The following MACROD2 variants were observed in gnomAD, a reference collection of about 807,000 sequenced individuals.
The protein encoded by MACROD2 is ADP-ribose glycohydrolase MACROD2.
MACROD2 carries 36 observed loss-of-function variants against 70.4 expected under a neutral mutation model. That is an observed-to-expected ratio of 0.51 (90% confidence interval 0.39 to 0.68). The LOEUF (loss-of-function observed/expected upper bound fraction) is 0.68. MACROD2 is among the 30% of genes least tolerant of loss of function. The pLI is 0.00. For missense variants in MACROD2, 496 were observed against 538.4 expected, an observed-to-expected ratio of 0.92 and a Z score of 0.78; for synonymous variants, 172 against 178.8, an observed-to-expected ratio of 0.96 and a Z score of 0.30.
chr20:15,998,392 G>A (rs564848179), intron 15 of MACROD2, among the ~76,000 whole-genome samples: 9 of 151,954 alleles, frequency 5.9e-5, no homozygotes, highest in South Asian at 4.2e-4. Flanking sequence ...CTGTTTCTTC[G>A]TGATTCAGCC....
At chr20:15,773,131 T>C (rs964141298) in intron 8 of MACROD2, among the ~76,000 whole-genome samples, 5 of 152,168 alleles carry the variant, frequency 3.3e-5, no homozygotes, top group Admixed American at 2.6e-4. Flanking sequence ...TTTTTTGTAC[T>C]TTGTTTCATC....
intron 6 of MACROD2, among the ~76,000 whole-genome samples, chr20:15,368,229 C>CAGTAAGA (rs2045439868): frequency 6.6e-6 from 1 of 152,082 alleles, no homozygotes; most frequent in African/African-American, 2.4e-5. Context: ...AGGCCCACCC[C>CAGTAAGA]CGCCTACTGA....
chr20:14,463,814 C>T (rs2084403364), intron 3 of MACROD2, among the ~76,000 whole-genome samples: 2 of 151,878 alleles, frequency 1.3e-5, no homozygotes, highest in African/African-American at 4.8e-5. Flanking sequence ...GTCTTTGGTT[C>T]TGTTTATATG....
At chr20:15,766,537 C>G (rs1483623248) in intron 8 of MACROD2, among the ~76,000 whole-genome samples, 1 of 152,108 alleles carries the variant, frequency 6.6e-6, no homozygotes, top group African/African-American at 2.4e-5. Context: ...TGGCCAGCTG[C>G]TAAGGAGATT....
chr20:15,299,239 C>T (rs2077619784), intron 6 of MACROD2, among the ~76,000 whole-genome samples: 1 of 152,098 alleles, frequency 6.6e-6, no homozygotes, highest in Admixed American at 6.6e-5. Flanking sequence ...TATTTCTAAC[C>T]CCCATTTTTG....
intron 12 of MACROD2, among the ~76,000 whole-genome samples, chr20:15,954,314 A>G (rs1368955432): frequency 1.3e-5 from 2 of 151,976 alleles, no homozygotes; most frequent in Non-Finnish European, 1.5e-5. Context: ...CTCCAGTCTC[A>G]TCTCGCACCT....
At chr20:15,391,170 C>T (rs2045787393) in intron 6 of MACROD2, among the ~76,000 whole-genome samples, 2 of 152,148 alleles carry the variant, frequency 1.3e-5, no homozygotes, top group Admixed American at 6.5e-5. Flanking sequence ...TCAAAGACTC[C>T]TGCCTGCTTC....
chr20:14,228,595 G>C (rs1306527907), intron 3 of MACROD2, among the ~76,000 whole-genome samples: 2 of 152,112 alleles, frequency 1.3e-5, no homozygotes, highest in African/African-American at 2.4e-5. Context: ...ACATAAGTTA[G>C]ATTTTTACTT....
At chr20:15,289,927 G>A (rs551293159) in intron 6 of MACROD2, among the ~76,000 whole-genome samples, 1 of 152,276 alleles carries the variant, frequency 6.6e-6, no homozygotes, top group South Asian at 2.1e-4. Flanking sequence ...CACATTTGAT[G>A]TCAAATAGCT....
chr20:14,073,629 AG>A (rs2148662418), intron 2 of MACROD2, among the ~76,000 whole-genome samples: 1 of 152,338 alleles, frequency 6.6e-6, no homozygotes, highest in East Asian at 1.9e-4. Context: ...AGACAGTGAA[AG>A]GTAGAGATCA....
chr20:15,497,053 A>G (rs2047307385), intron 7 of MACROD2, among the ~76,000 whole-genome samples: 1 of 152,226 alleles, frequency 6.6e-6, no homozygotes, highest in African/African-American at 2.4e-5. Flanking sequence ...TTGGTTACCA[A>G]CAGGGGAGTC....
At chr20:14,053,120 CT>C (rs1300115289) in intron 2 of MACROD2, 50 of 147,760 alleles carry the variant, frequency 3.4e-4, no homozygotes, top group Non-Finnish European at 5.7e-4. Context: ...GGAAAAGAGC[CT>C]TTTATCCCAC....
intron 2 of MACROD2, among the ~76,000 whole-genome samples, chr20:14,018,150 A>G (rs991393369): frequency 6.6e-6 from 1 of 152,114 alleles, no homozygotes; most frequent in Admixed American, 6.5e-5. Context: ...ATTTCTGATC[A>G]TAGTAATTTG....
chr20:14,931,956 T>G (rs1733589517), intron 5 of MACROD2, among the ~76,000 whole-genome samples: 1 of 148,880 alleles, frequency 6.7e-6, no homozygotes, highest in Non-Finnish European at 1.5e-5. Flanking sequence ...GAGCTATGAA[T>G]GTACCACTGC....
intron 5 of MACROD2, among the ~76,000 whole-genome samples, chr20:14,955,889 A>G (rs2074532284): frequency 6.6e-6 from 1 of 152,080 alleles, no homozygotes; most frequent in Non-Finnish European, 1.5e-5. Context: ...ACCCACAATC[A>G]CTATCTCACA....
At chr20:15,266,805 C>G (rs886735398) in intron 6 of MACROD2, among the ~76,000 whole-genome samples, 2 of 152,218 alleles carry the variant, frequency 1.3e-5, no homozygotes, top group African/African-American at 4.8e-5. Context: ...CCATCCTCTA[C>G]TTTTGGGTTT....
chr20:13,995,850 G>GGGGGGGGGGGGGGGGGGGGGGT lies in MACROD2; in HGVS notation c.46+41_46+42insGGGGGGGGGGGGGGGGGGGGGT. ...AGTCCTGGGGGTGCGGGCGGTGGGG[G>GGGGGGGGGGGGGGGGGGGGGGT]TTAGGGTGGGGGCGGGGGTCAGGCT... On this transcript the variant is annotated intron_variant, in intron 1 of 17. Coordinates refer to ENST00000684519, the MANE Select transcript of MACROD2 (RefSeq NM_001351661.2). The surrounding 1 kb of genome is among the most constrained non-coding windows in gnomAD (Gnocchi z 4.3). 2 of 505,096 alleles carry GGGGGGGGGGGGGGGGGGGGGGT rather than the reference G, an allele frequency of 4.0e-6. No individual in the cohort carries two copies. The highest frequency in any genetic ancestry group is 7.5e-6 in the Non-Finnish European group (2 of 266,316). 31.3% of individuals were successfully genotyped at this position (505,096 alleles called of 1,614,324 possible). A position where few individuals can be genotyped will look rare whatever the true frequency, so the allele number is the denominator to read the frequency against.
intron 5 of MACROD2, among the ~76,000 whole-genome samples, chr20:15,042,668 C>G (rs866679088): frequency 6.6e-6 from 1 of 152,056 alleles, no homozygotes. Context: ...CTTGAAGGTC[C>G]CTGTCTTAGC....
chr20:15,493,937 T>G (rs2047262624), intron 7 of MACROD2, among the ~76,000 whole-genome samples: 1 of 152,244 alleles, frequency 6.6e-6, no homozygotes, highest in Non-Finnish European at 1.5e-5. Context: ...AAAACAACTG[T>G]AAATTCAACT....
Sources: allele counts gnomAD v4.1 joint callset (sites outside exome capture counted in the v4.1 genomes callset), GRCh38; gene constraint gnomAD v4.1.1; non-coding constraint Gnocchi (gnomAD v3.1); transcripts MANE v1.5; gene names NCBI Gene and HGNC (gene_info 2026-07-23, HGNC 2026-07-21).